GFRA1: variants seen among roughly 807,000 people sequenced by gnomAD.
The protein encoded by GFRA1 is GDNF family receptor alpha 1.
Under a neutral mutation model 51.6 loss-of-function variants are expected in GFRA1, and 16 were observed. The ratio of observed to expected loss-of-function variants is 0.31; its 90% confidence interval spans 0.21 to 0.47. GFRA1 has a LOEUF of 0.47. Ranked by LOEUF, GFRA1 falls within the 20% of genes least tolerant of loss-of-function variation. The pLI, the probability that GFRA1 is intolerant of heterozygous loss-of-function variation, is 1.00. For synonymous variants in GFRA1, 270 were observed against 241.3 expected (o/e 1.12, Z -1.10); for missense variants, 530 against 594.3 (o/e 0.89, Z 1.13).
At chr10:116,268,710 A>G (rs767634508) in intron 4 of GFRA1, among the ~76,000 whole-genome samples, 3 of 152,244 alleles carry the variant, frequency 2.0e-5, no homozygotes, top group African/African-American at 4.8e-5. Context: ...GTGGCTATAT[A>G]TACTTGAGAA....
intron 4 of GFRA1, among the ~76,000 whole-genome samples, chr10:116,217,565 T>C (rs1023056436): frequency 2.0e-5 from 3 of 152,238 alleles, no homozygotes; most frequent in Admixed American, 6.5e-5. Context: ...AAAGCATATA[T>C]GTAAAGCACT....
chr10:116,121,367 A>G (rs1957635788), intron 6 of GFRA1, among the ~76,000 whole-genome samples: 1 of 152,200 alleles, frequency 6.6e-6, no homozygotes, highest in African/African-American at 2.4e-5. Flanking sequence ...GCTTTTCTGT[A>G]GACAAGCTTG....
At chr10:116,110,431 C>T (rs1456932441) in intron 6 of GFRA1, among the ~76,000 whole-genome samples, 1 of 152,136 alleles carries the variant, frequency 6.6e-6, no homozygotes, top group Admixed American at 6.5e-5. Context: ...TTCCTGCCCA[C>T]CAGTAGGAGA....
chr10:116,128,993 A>T (rs992082445), intron 5 of GFRA1, among the ~76,000 whole-genome samples: 3 of 152,176 alleles, frequency 2.0e-5, no homozygotes, highest in Non-Finnish European at 4.4e-5. Context: ...TCATCTATAT[A>T]TAACTCTTGC....
intron 9 of GFRA1, among the ~76,000 whole-genome samples, chr10:116,069,358 C>T (rs1955267001): frequency 6.6e-6 from 1 of 152,080 alleles, no homozygotes; most frequent in Admixed American, 6.5e-5. Context: ...TTGGGGGAAA[C>T]ACCACCACTG....
At chr10:116,199,805 T>C (rs1964184679) in intron 5 of GFRA1, among the ~76,000 whole-genome samples, 1 of 152,186 alleles carries the variant, frequency 6.6e-6, no homozygotes, top group East Asian at 1.9e-4. Flanking sequence ...TATACACCTG[T>C]ATAGCCAAAA....
At chr10:116,224,776 T>C (rs11197596) in intron 4 of GFRA1, among the ~76,000 whole-genome samples, 37,529 of 152,078 alleles carry the variant, frequency 0.25, 5,805 homozygotes, top group Admixed American at 0.36. Context: ...AATAGAAAAC[T>C]CTGAATATAC....
intron 4 of GFRA1, among the ~76,000 whole-genome samples, chr10:116,253,386 T>C (rs766930537): frequency 1.3e-5 from 2 of 152,100 alleles, no homozygotes; most frequent in African/African-American, 4.8e-5. Flanking sequence ...GATGGGTGAA[T>C]CATTTGAAGT....
chr10:116,195,250 C>CT (rs1326016155), intron 5 of GFRA1, among the ~76,000 whole-genome samples: 1 of 152,132 alleles, frequency 6.6e-6, no homozygotes, highest in Non-Finnish European at 1.5e-5. Flanking sequence ...TTAGCACTAT[C>CT]TTTTTTGTTA....
chr10:116,230,115 G>A (rs1185739684), intron 4 of GFRA1, among the ~76,000 whole-genome samples: 1 of 152,102 alleles, frequency 6.6e-6, no homozygotes, highest in Non-Finnish European at 1.5e-5. Flanking sequence ...TCTCAGCAGT[G>A]TTTAATCTCA....
At chr10:116,208,935 G>C (rs1964986860) in intron 5 of GFRA1, among the ~76,000 whole-genome samples, 1 of 152,136 alleles carries the variant, frequency 6.6e-6, no homozygotes, top group Admixed American at 6.5e-5. Context: ...TGGCACTTTG[G>C]AATTCCTGAG....
intron 6 of GFRA1, among the ~76,000 whole-genome samples, chr10:116,097,308 C>A (rs1417603712): frequency 6.6e-6 from 1 of 152,160 alleles, no homozygotes; most frequent in African/African-American, 2.4e-5. Context: ...TTTATTCCAG[C>A]CGAGTGGCAC....
At chr10:116,236,367 C>T (rs1966878205) in intron 4 of GFRA1, among the ~76,000 whole-genome samples, 1 of 152,026 alleles carries the variant, frequency 6.6e-6, no homozygotes, top group African/African-American at 2.4e-5. Context: ...GAAAATTTCC[C>T]CTCTATGCTC....
At chr10:116,099,862 A>G (rs555918242) in intron 6 of GFRA1, among the ~76,000 whole-genome samples, 17 of 152,282 alleles carry the variant, frequency 1.1e-4, no homozygotes, top group Non-Finnish European at 1.8e-4. Flanking sequence ...TGAAGTGTTC[A>G]GTACATGTTA....
chr10:116,272,898 G>C lies in GFRA1; in HGVS notation c.-247+265C>G, dbSNP rs1420435422. The C allele has an allele frequency of 6.6e-6, 1 of 152,328 alleles. No individual in the cohort carries two copies. The highest frequency in any genetic ancestry group is 1.5e-5 in the Non-Finnish European group (1 of 68,210). 9.4% of individuals were successfully genotyped at this position (152,328 alleles called of 1,614,324 possible). On this transcript the variant is annotated intron_variant, in intron 1 of 10. Coordinates refer to ENST00000355422, the MANE Select transcript of GFRA1 (RefSeq NM_005264.8). The surrounding 1 kb of genome is among the most constrained non-coding windows in gnomAD (Gnocchi z 4.4). ...GCGCGTCCTCGGCTCCCTCCTGGGC[G>C]TCCGCTCCTCTCACACTCTCGCCCG...
intron 4 of GFRA1, among the ~76,000 whole-genome samples, chr10:116,217,958 G>A (rs535505903): frequency 6.6e-6 from 1 of 152,302 alleles, no homozygotes; most frequent in South Asian, 2.1e-4. Context: ...GGAATCATGA[G>A]AGGAAAATTC....
At chr10:116,154,055 C>A (rs1411834547) in intron 5 of GFRA1, among the ~76,000 whole-genome samples, 1 of 152,204 alleles carries the variant, frequency 6.6e-6, no homozygotes, top group African/African-American at 2.4e-5. Flanking sequence ...TACCACTACA[C>A]ACCCACCAAG....
intron 5 of GFRA1, among the ~76,000 whole-genome samples, chr10:116,198,637 T>C (rs1349685995): frequency 1.3e-5 from 2 of 152,160 alleles, no homozygotes; most frequent in Non-Finnish European, 2.9e-5. Flanking sequence ...CTGGTTTCCT[T>C]CTGTTGCCAA....
At chr10:116,263,492 G>A (rs1348574009) in intron 4 of GFRA1, among the ~76,000 whole-genome samples, 2 of 152,204 alleles carry the variant, frequency 1.3e-5, no homozygotes, top group Non-Finnish European at 2.9e-5. Flanking sequence ...CATTCACCCA[G>A]GTTGGTGGAA....
Sources: allele counts gnomAD v4.1 joint callset (sites outside exome capture counted in the v4.1 genomes callset), GRCh38; gene constraint gnomAD v4.1.1; non-coding constraint Gnocchi (gnomAD v3.1); transcripts MANE v1.5; gene names NCBI Gene and HGNC (gene_info 2026-07-23, HGNC 2026-07-21).